Variants in PDCD1LG2 observed in about 807,000 individuals in gnomAD.
PDCD1LG2 encodes B7 dendritic cell molecule.
In PDCD1LG2, 32 loss-of-function variants were observed where a neutral mutation model predicts 28.2. The observed-to-expected ratio is 1.13, with a 90% CI of 0.86 to 1.52. PDCD1LG2 has a LOEUF of 1.52. Among genes scored for constraint, PDCD1LG2 ranks in the 40% most tolerant of loss-of-function variants. PDCD1LG2 has a pLI of 0.00. For missense variants in PDCD1LG2, 385 were observed against 323.8 expected (o/e 1.19, Z -1.45); for synonymous variants, 116 against 120.2 (o/e 0.97, Z 0.23).
chr9:5,512,760 C>G (rs1317604954), intron 1 of PDCD1LG2, among the ~76,000 whole-genome samples: 1 of 152,234 alleles, frequency 6.6e-6, no homozygotes, highest in South Asian at 2.1e-4. Context: ...ACCAAACTTA[C>G]TGTCTTCCCT....
chr9:5,548,597 C>G (rs1816259144), intron 3 of PDCD1LG2, among the ~76,000 whole-genome samples: 1 of 152,154 alleles, frequency 6.6e-6, no homozygotes, highest in African/African-American at 2.4e-5. Flanking sequence ...AATGACTATA[C>G]TTAGATCTCA....
At chr9:5,513,620 TTTAATTTGAACTTAAATGCTCTA>T (rs1193241056) in intron 1 of PDCD1LG2, among the ~76,000 whole-genome samples, 1 of 152,248 alleles carries the variant, frequency 6.6e-6, no homozygotes, top group Non-Finnish European at 1.5e-5. Flanking sequence ...AAAATTGAGA[TTTAATTTGAACTTAAATGCTCTA>T]TTAAATTGAG....
chr9:5,518,377 G>T (rs929459819), intron 1 of PDCD1LG2, among the ~76,000 whole-genome samples: 3 of 152,246 alleles, frequency 2.0e-5, no homozygotes, highest in Non-Finnish European at 1.5e-5. Flanking sequence ...GAAGGGCAAG[G>T]AAGAAGGGGA....
At chr9:5,552,674 G>C (rs1816360108) in intron 4 of PDCD1LG2, among the ~76,000 whole-genome samples, 1 of 152,084 alleles carries the variant, frequency 6.6e-6, no homozygotes, top group African/African-American at 2.4e-5. Flanking sequence ...TTCATGGAGT[G>C]ACACTGATCC....
At position 5,517,311 on chromosome 9, in the gene PDCD1LG2, G is replaced by A. The variant is rs564192686; in HGVS notation, c.-14-5222G>A. Among the ~76,000 whole-genome samples the A allele has an allele frequency of 1.1e-4, 16 of 152,316 alleles. No individual in the cohort carries two copies. In the East Asian group the frequency reaches 1.3e-3, roughly 13 times the overall value. ...GTCTTCCCTTAGGGATTGGATCTGCGGAAGAGGCCACACAGGCCTGGAAGC... is the reference window on the plus strand; with the variant it reads ...GTCTTCCCTTAGGGATTGGATCTGCAGAAGAGGCCACACAGGCCTGGAAGC... On this transcript the variant is annotated intron_variant, in intron 1 of 6. Coordinates refer to ENST00000397747, the MANE Select transcript of PDCD1LG2 (RefSeq NM_025239.4).
rs1176746975 is a variant in PDCD1LG2, at chr9:5,552,841, A to G, written c.631+3237A>G. On this transcript the variant is annotated intron_variant, in intron 4 of 6. Coordinates refer to ENST00000397747, the MANE Select transcript of PDCD1LG2 (RefSeq NM_025239.4). ...CCTTTTCCCACTTCCCTACCTATCC[A>G]CAATTTACTACCCAATGCCAACACT... 3.9e-5 allele frequency among the ~76,000 whole-genome samples: 6 copies of G among 152,210 alleles called. No individual in the cohort carries two copies. In the East Asian group the frequency reaches 1.2e-3, roughly 29 times the overall value.
At chr9:5,517,391 G>A (rs1421749842) in intron 1 of PDCD1LG2, among the ~76,000 whole-genome samples, 2 of 152,162 alleles carry the variant, frequency 1.3e-5, no homozygotes, top group African/African-American at 2.4e-5. Context: ...AGACTGCAAT[G>A]GATGGCGGTT....
At chr9:5,555,655 T>C (rs1461797468) in intron 4 of PDCD1LG2, among the ~76,000 whole-genome samples, 5 of 152,230 alleles carry the variant, frequency 3.3e-5, no homozygotes, top group Middle Eastern at 3.2e-3. Context: ...TATTTTCATC[T>C]GTTGCTCTGC....
intron 6 of PDCD1LG2, among the ~76,000 whole-genome samples, chr9:5,566,345 G>C (rs899241819): frequency 6.6e-6 from 1 of 152,218 alleles, no homozygotes; most frequent in Non-Finnish European, 1.5e-5. Context: ...TATTAGCGCT[G>C]TTTCACCATT....
intron 3 of PDCD1LG2, among the ~76,000 whole-genome samples, chr9:5,543,098 A>C (rs1820718032): frequency 6.6e-6 from 1 of 152,210 alleles, no homozygotes; most frequent in Admixed American, 6.5e-5. Context: ...CTATTATTCT[A>C]AGTGAAGTAA....
At chr9:5,568,306 C>T (rs566452067) in intron 6 of PDCD1LG2, among the ~76,000 whole-genome samples, 2 of 152,284 alleles carry the variant, frequency 1.3e-5, no homozygotes, top group East Asian at 1.9e-4. Context: ...AGGAGGTGAG[C>T]GGGAGACAAG....
intron 3 of PDCD1LG2, among the ~76,000 whole-genome samples, chr9:5,546,568 G>A (rs1470405747): frequency 6.6e-6 from 1 of 152,174 alleles, no homozygotes; most frequent in Non-Finnish European, 1.5e-5. Flanking sequence ...GGCTGCTTCA[G>A]TGTCTGAATT....
chr9:5,561,916 T>A (rs1160181473), intron 5 of PDCD1LG2, among the ~76,000 whole-genome samples: 1 of 152,156 alleles, frequency 6.6e-6, no homozygotes. Flanking sequence ...AGGTACCCAC[T>A]GAAGCCAACA....
In PDCD1LG2 at chr9:5,558,394, T is replaced by C. The variant is rs185281386; in HGVS notation, c.766+642T>C. On this transcript the variant is annotated intron_variant, in intron 5 of 6. Coordinates refer to ENST00000397747, the MANE Select transcript of PDCD1LG2 (RefSeq NM_025239.4). ...CTGAAGCCTTTCAGCCCTGATTTCA[T>C]TGCTTCATTGTTCATGTGTCTGTCT... Among the ~76,000 whole-genome samples, 9 of 152,264 alleles carry C rather than the reference T, an allele frequency of 5.9e-5. No homozygotes were observed. In the East Asian group the frequency reaches 1.4e-3, roughly 23 times the overall value.
intron 2 of PDCD1LG2, among the ~76,000 whole-genome samples, chr9:5,529,706 C>T (rs1444173634): frequency 1.3e-5 from 2 of 152,188 alleles, no homozygotes; most frequent in Non-Finnish European, 2.9e-5. Flanking sequence ...CAGAGGGCCA[C>T]AATGACCATG....
chr9:5,526,099 G>A (rs1344266738), intron 2 of PDCD1LG2, among the ~76,000 whole-genome samples: 2 of 151,316 alleles, frequency 1.3e-5, no homozygotes, highest in East Asian at 1.9e-4. Flanking sequence ...TATTCAGGAC[G>A]CCAGTTACCT....
chr9:5,533,994 C>T (rs975480412), intron 2 of PDCD1LG2, among the ~76,000 whole-genome samples: 2 of 151,024 alleles, frequency 1.3e-5, no homozygotes, highest in Admixed American at 1.3e-4. Context: ...AAAGCATCTA[C>T]AGTGGGCTTG....
At chr9:5,561,060 T>C (rs2129937427) in intron 5 of PDCD1LG2, among the ~76,000 whole-genome samples, 1 of 152,282 alleles carries the variant, frequency 6.6e-6, no homozygotes, top group East Asian at 1.9e-4. Flanking sequence ...TCTAAAAAAT[T>C]ACCTGGCATA....
intron 4 of PDCD1LG2, 37 bp downstream of exon 4, chr9:5,549,641 G>C: frequency 1.2e-6 from 2 of 1,609,406 alleles, no homozygotes; most frequent in East Asian, 2.2e-5. Flanking sequence ...CTATCAGTTA[G>C]GGTTCAGACA....
Sources: allele counts gnomAD v4.1 joint callset (sites outside exome capture counted in the v4.1 genomes callset), GRCh38; gene constraint gnomAD v4.1.1; transcripts MANE v1.5; gene names NCBI Gene and HGNC (gene_info 2026-07-23, HGNC 2026-07-21).